Variants in DCAKD observed in about 807,000 individuals in gnomAD.
DCAKD encodes dephospho-CoA kinase domain containing.
DCAKD carries 15 observed loss-of-function variants against 18.7 expected under a neutral mutation model. The ratio of observed to expected loss-of-function variants is 0.80; its 90% CI spans 0.54 to 1.24. DCAKD has a LOEUF of 1.24. DCAKD is among the 50% of genes most tolerant of loss of function. The probability of loss-of-function intolerance (pLI) is 0.00; values close to 1 mark genes in which losing one functional copy is unlikely to be tolerated. For synonymous variants in DCAKD, 130 were observed against 133.0 expected, an observed-to-expected ratio of 0.98 and a Z score of 0.16; for missense variants, 301 against 322.0, an observed-to-expected ratio of 0.93 and a Z score of 0.50.
chr17:45,053,814 C>T (rs1049146472), upstream of DCAKD, among the ~76,000 whole-genome samples: 1 of 152,164 alleles, frequency 6.6e-6, no homozygotes, highest in Non-Finnish European at 1.5e-5. Context: ...CCACCCACCT[C>T]GGCCTCCCAA....
chr17:45,027,716 A>G (rs2053083272), intron 4 of DCAKD, among the ~76,000 whole-genome samples: 1 of 152,136 alleles, frequency 6.6e-6, no homozygotes, highest in African/African-American at 2.4e-5. Context: ...GGCCGGGCGC[A>G]GTGGCTCATG....
intron 4 of DCAKD, among the ~76,000 whole-genome samples, chr17:45,025,208 G>C (rs576639967): frequency 1.3e-5 from 2 of 151,976 alleles, no homozygotes; most frequent in African/African-American, 2.4e-5. Context: ...TGGGTCTTCA[G>C]TATCAAAAAT....
Position 45,024,141 on chromosome 17 carries a change from CTT to C in DCAKD, c.*290_*291del. 2 of 388,514 alleles carry C rather than the reference CTT, an allele frequency of 5.1e-6. No individual in the cohort carries two copies. Among genetic ancestry groups the C allele is most frequent in the Non-Finnish European group, 9.5e-6 (2 of 210,354 alleles). 24.1% of individuals were successfully genotyped at this position (388,514 alleles called of 1,614,324 possible). A position where few individuals can be genotyped will look rare whatever the true frequency, so the allele number is the denominator to read the frequency against. On this transcript the variant is annotated 3_prime_UTR_variant, in exon 5 of 5. Coordinates refer to ENST00000651974, the MANE Select transcript of DCAKD (RefSeq NM_001288655.2). ...AATGTATAGCAGTCTCTGACTGTTGCTTTCACACACCATCACGGTTGCTGTTC... is the reference window on the plus strand; with the variant it reads ...AATGTATAGCAGTCTCTGACTGTTGCTCACACACCATCACGGTTGCTGTTC...
Position 45,024,664 on chromosome 17 carries a change from T to C in DCAKD, c.465A>G (p.Ala155=). Residue 155 remains alanine (A), a synonymous_variant, in exon 5 of 5, where the codon GCA becomes GCG. Coordinates refer to ENST00000651974, the MANE Select transcript of DCAKD (RefSeq NM_001288655.2). ...GCAGCTGGGCATTGATGCGGGCCTC[T>C]GCGTCCTTGCGGTTCAGGCTGTTCC... ...MRRNSLNRKD[A]EARINAQLPL... 6.2e-7 allele frequency: 1 copy of C among 1,609,180 alleles called. No individual in the cohort carries two copies. Among genetic ancestry groups the C allele is most frequent in the Non-Finnish European group, 8.5e-7 (1 of 1,176,286 alleles).
At chr17:45,043,256 C>CAAA (rs909092773) in intron 1 of DCAKD, among the ~76,000 whole-genome samples, 21 of 109,762 alleles carry the variant, frequency 1.9e-4, no homozygotes, top group Non-Finnish European at 4.1e-4. Context: ...ACTCTGTCTC[C>CAAA]AAAAAAAAAA....
intron 1 of DCAKD, among the ~76,000 whole-genome samples, chr17:45,038,076 C>CTT: frequency 7.3e-6 from 1 of 136,540 alleles, no homozygotes; most frequent in East Asian, 2.0e-4. Context: ...GCCTTTTTTT[C>CTT]TTTTCTTTTC....
At chr17:45,028,113 CTT>C (rs991822612) in intron 4 of DCAKD, among the ~76,000 whole-genome samples, 10 of 142,820 alleles carry the variant, frequency 7.0e-5, no homozygotes, top group Non-Finnish European at 6.2e-5. Flanking sequence ...CTCTAAGATC[CTT>C]TTTTTTTTTT....
Position 45,043,014 on chromosome 17 carries a change from C to CA in DCAKD, c.-114-8016dup, listed in dbSNP as rs201873538. 6.6e-3 allele frequency among the ~76,000 whole-genome samples: 1,001 copies of CA among 151,986 alleles called. 8 individuals carry two copies. Among genetic ancestry groups the CA allele is most frequent in the Middle Eastern group, 0.014 (4 of 294 alleles). Reference sequence around the variant, plus strand: ...CTGGACTACTTTGTTGCCATTTATGCAAAAAAAGGATCACAGGGACTGCAC... The same window carrying CA: ...CTGGACTACTTTGTTGCCATTTATGCAAAAAAAAGGATCACAGGGACTGCAC... On this transcript the variant is annotated intron_variant, in intron 1 of 4. Coordinates refer to ENST00000651974, the MANE Select transcript of DCAKD (RefSeq NM_001288655.2).
chr17:45,025,246 C>G (rs1307518978), intron 4 of DCAKD, among the ~76,000 whole-genome samples: 2 of 152,196 alleles, frequency 1.3e-5, no homozygotes, highest in East Asian at 3.9e-4. Flanking sequence ...CAGAGACCCC[C>G]TCTCCTTGCT....
chr17:45,037,212 T>C (rs1352670393), intron 1 of DCAKD, among the ~76,000 whole-genome samples: 1 of 152,106 alleles, frequency 6.6e-6, no homozygotes, highest in Non-Finnish European at 1.5e-5. Context: ...ACGCCTGTAA[T>C]CCCAGTGCTT....
chr17:45,049,824 A>AT (rs763273133), intron 1 of DCAKD, among the ~76,000 whole-genome samples: 30 of 141,418 alleles, frequency 2.1e-4, no homozygotes, highest in Admixed American at 3.1e-4. Context: ...AGTTCAAGTG[A>AT]TTCTCCTACC....
intron 1 of DCAKD, among the ~76,000 whole-genome samples, chr17:45,037,961 G>A (rs1270409383): frequency 1.4e-5 from 2 of 143,542 alleles, no homozygotes; most frequent in Non-Finnish European, 3.0e-5. Flanking sequence ...TAGAGATGGG[G>A]TTTCACCATG....
chr17:45,031,289 C>CA (rs2053166818), intron 3 of DCAKD: 14 of 985,326 alleles, frequency 1.4e-5, no homozygotes, highest in Non-Finnish European at 1.7e-5. Context: ...ACCTGCTGCT[C>CA]AGGAAGCCCA....
chr17:45,053,205 CTAGT>C (rs1170748168), upstream of DCAKD, among the ~76,000 whole-genome samples: 3 of 137,220 alleles, frequency 2.2e-5, no homozygotes, highest in Admixed American at 1.5e-4. Flanking sequence ...AACTAGTTAT[CTAGT>C]TATGCCTCAC....
At chr17:45,054,977 G>A (rs564137635), upstream of DCAKD, among the ~76,000 whole-genome samples, 4 of 152,246 alleles carry the variant, frequency 2.6e-5, no homozygotes, top group South Asian at 8.3e-4. Flanking sequence ...CTTGTGGTCC[G>A]ATTTGCCAAA....
At chr17:45,057,087 A>C (rs1231500519) in intron 1 of DCAKD, among the ~76,000 whole-genome samples, 3 of 152,050 alleles carry the variant, frequency 2.0e-5, no homozygotes, top group African/African-American at 7.2e-5. Flanking sequence ...ATTTATATAG[A>C]GACGGGGCCT....
Position 45,044,689 on chromosome 17 carries a change from C to CAATCAATA in DCAKD, c.-115+6671_-115+6672insTATTGATT, listed in dbSNP as rs1567845769. 2.0e-5 allele frequency among the ~76,000 whole-genome samples: 3 copies of CAATCAATA among 147,316 alleles called. 1 individual carries two copies. The highest frequency in any genetic ancestry group is 3.0e-5 in the Non-Finnish European group (2 of 67,044). The stretch of plus-strand genomic sequence containing the variant: ...CCTGGGAGACAGAGAGAGACTCCAT[C>CAATCAATA]AATAAATAAATAAATAAATAAATAA... On this transcript the variant is annotated intron_variant, in intron 1 of 4. Transcript: ENST00000651974.
chr17:45,057,948 T>C (rs1417713002), intron 1 of DCAKD, among the ~76,000 whole-genome samples: 2 of 141,244 alleles, frequency 1.4e-5, no homozygotes, highest in African/African-American at 5.4e-5. Context: ...AAGGCAGAGG[T>C]TGCAATGAGT....
chr17:45,031,880 G>A, intron 3 of DCAKD: 1 of 985,416 alleles, frequency 1.0e-6, no homozygotes, highest in Non-Finnish European at 1.2e-6. Flanking sequence ...TTTGACAGTT[G>A]TATTTGTTAT....
Sources: gnomAD v4.1 joint callset for allele counts (sites outside exome capture counted in the v4.1 genomes callset) on GRCh38, gnomAD v4.1.1 for gene constraint, MANE v1.5 for transcripts, NCBI Gene and HGNC (gene_info 2026-07-23, HGNC 2026-07-21) for gene names.